SMUG1: variants seen among roughly 807,000 people sequenced by gnomAD.
SMUG1 encodes the protein single-strand-selective monofunctional uracil-DNA glycosylase 1.
SMUG1 carries 13 observed loss-of-function variants against 23.9 expected under a neutral mutation model. The ratio of observed to expected loss-of-function variants is 0.54; its 90% CI spans 0.35 to 0.86. The LOEUF is 0.86. Ranked by LOEUF, SMUG1 falls within the 40% of genes least tolerant of loss-of-function variation. The probability of loss-of-function intolerance (pLI) is 0.01; values close to 1 mark genes in which losing one functional copy is unlikely to be tolerated. For synonymous variants in SMUG1, 133 were observed against 139.8 expected, an observed-to-expected ratio of 0.95 and a Z score of 0.34; for missense variants, 313 against 339.5, an observed-to-expected ratio of 0.92 and a Z score of 0.61.
chr12:54,182,939 CAG>C (rs1190145364), intron 3 of SMUG1: 1 of 313,698 alleles, frequency 3.2e-6, no homozygotes, highest in African/African-American at 2.2e-5. Context: ...TGGGGACAGA[CAG>C]ATGGTCTGAG....
chr12:54,184,197 G>T, intron 2 of SMUG1: 1 of 380,046 alleles, frequency 2.6e-6, no homozygotes, highest in South Asian at 9.7e-5. Context: ...GTGAGGATAA[G>T]CCATAGCCAC....
rs3136379 is a variant in SMUG1, at chr12:54,186,077, C to T, written c.-20+1742G>A. On this transcript the variant is annotated intron_variant, in intron 2 of 3. Transcript: ENST00000682136. ...CTGCCTCAACTCCCAAAACCTTGCA[C>T]ATACCATTTCTACAGTCCAACCAAA... Among the ~76,000 whole-genome samples the T allele has an allele frequency of 2.8e-4, 43 of 152,306 alleles. No homozygotes were observed. In the South Asian group the frequency reaches 7.2e-3, roughly 26 times the overall value.
chr12:54,161,877 G>C (rs541370973), downstream of SMUG1, among the ~76,000 whole-genome samples: 7 of 152,328 alleles, frequency 4.6e-5, no homozygotes, highest in South Asian at 1.5e-3. This position sits in a 1 kb window ranked among gnomAD's most constrained non-coding sequence, Gnocchi z 4.2. Flanking sequence ...GCAGTGGTAG[G>C]GGGAGGGGGA....
In SMUG1 at chr12:54,182,512, G is replaced by A; in HGVS notation, c.397C>T (p.Gln133Ter). 1 of 1,614,128 alleles carries A rather than the reference G, an allele frequency of 6.2e-7. No homozygotes were observed. The highest frequency in any genetic ancestry group is 8.5e-7 in the Non-Finnish European group (1 of 1,180,022). Reference sequence around the variant, plus strand: ...AATCGGGCACCACTCACTTCTGACTGTGGGCACTCCAGTCCCAGCACTGGT... The same window carrying A: ...AATCGGGCACCACTCACTTCTGACTATGGGCACTCCAGTCCCAGCACTGGT... ...KRPVLGLECP[Q>*]SEVSGARFWG... The change falls in exon 4 of 4, where the codon CAG (glutamine) becomes TAG (stop). Residue 133 changes from glutamine (Q) to a stop codon, truncating the protein, a stop_gained. Coordinates refer to ENST00000682136, the MANE Select transcript of SMUG1 (RefSeq NM_001243787.2). LOFTEE classifies it high-confidence loss of function.
chr12:54,181,802 G>A lies in SMUG1; in HGVS notation c.*294C>T. On this transcript the variant is annotated 3_prime_UTR_variant, in exon 4 of 4. Transcript: ENST00000682136. ...AGTCTCCCAAGGAAACACTGAGGTA[G>A]AGCAGTCTGCAAGTGCAAAAGCACA... 2.1e-6 allele frequency: 3 copies of A among 1,430,336 alleles called. No individual in the cohort carries two copies. Among genetic ancestry groups the A allele is most frequent in the Non-Finnish European group, 1.8e-6 (2 of 1,097,518 alleles). 88.6% of individuals were successfully genotyped at this position (1,430,336 alleles called of 1,614,324 possible).
chr12:54,183,569 T>C, intron 3 of SMUG1, 87 bp downstream of exon 3: 3 of 1,382,732 alleles, frequency 2.2e-6, no homozygotes, highest in African/African-American at 1.4e-5. Flanking sequence ...TCTACAGCCA[T>C]GCACATGCTC....
intron 4 of SMUG1, among the ~76,000 whole-genome samples, chr12:54,159,008 T>C (rs1940139642): frequency 6.6e-6 from 1 of 152,168 alleles, no homozygotes; most frequent in South Asian, 2.1e-4. Flanking sequence ...AAGTCACTTA[T>C]GATGCACTTT....
chr12:54,181,109 G>T lies in SMUG1; in HGVS notation c.*987C>A, dbSNP rs1941001500. The T allele has an allele frequency of 7.7e-5, 12 of 156,678 alleles. No homozygotes were observed. In the South Asian group the frequency reaches 2.4e-3, roughly 31 times the overall value. The allele number at this position is 156,678 out of a possible 1,614,324, so 9.7% of individuals were successfully genotyped here. ...AATGACTACCTTCCACCTCTAGCAT[G>T]CAAGAGGGGGAAAAAAGTAACAAGA... is the stretch of plus-strand genomic sequence containing the variant. On this transcript the variant is annotated 3_prime_UTR_variant, in exon 4 of 4. Transcript: ENST00000682136.
intron 2 of SMUG1, chr12:54,184,185 TG>T (rs1267813594): frequency 2.4e-6 from 1 of 412,514 alleles, no homozygotes; most frequent in Non-Finnish European, 4.3e-6. Flanking sequence ...ACATGGCACC[TG>T]GTGAGGATAA....
chr12:54,178,338 A>G (rs938265803), downstream of SMUG1, among the ~76,000 whole-genome samples: 1 of 152,122 alleles, frequency 6.6e-6, no homozygotes, highest in Non-Finnish European at 1.5e-5. Context: ...CAGCCCCACT[A>G]GGACCCAGAC....
downstream of SMUG1, among the ~76,000 whole-genome samples, chr12:54,163,658 C>T (rs1670333600): frequency 6.6e-6 from 1 of 152,138 alleles, no homozygotes; most frequent in South Asian, 2.1e-4. Context: ...TCTTCCAGGG[C>T]TGGAATCGAC....
At chr12:54,179,211 A>G (rs1294521116), downstream of SMUG1, among the ~76,000 whole-genome samples, 3 of 152,112 alleles carry the variant, frequency 2.0e-5, no homozygotes, top group African/African-American at 7.2e-5. Context: ...CAGACAGCCT[A>G]TTGTGGGACT....
chr12:54,171,371 A>G (rs1940610448), intron 3 of SMUG1, among the ~76,000 whole-genome samples: 1 of 150,800 alleles, frequency 6.6e-6, no homozygotes, highest in Admixed American at 6.6e-5. Flanking sequence ...CCAAATTTCT[A>G]TCTCCAGTCT....
chr12:54,174,829 G>T (rs776871972), intron 2 of SMUG1, among the ~76,000 whole-genome samples: 1 of 152,230 alleles, frequency 6.6e-6, no homozygotes, highest in Non-Finnish European at 1.5e-5. Context: ...AAATTCTTTT[G>T]CAGGTGTTTT....
Position 54,181,842 on chromosome 12 carries a change from C to T in SMUG1, c.*254G>A, listed in dbSNP as rs1429689699. The T allele has an allele frequency of 7.0e-7, 1 of 1,419,860 alleles. No homozygotes were observed. Among genetic ancestry groups the T allele is most frequent in the African/African-American group, 1.4e-5 (1 of 69,662 alleles). 88.0% of individuals were successfully genotyped at this position (1,419,860 alleles called of 1,614,324 possible). A position where few individuals can be genotyped will look rare whatever the true frequency, so the allele number is the denominator to read the frequency against. ...GCAAAAGCACACCTTCTGCAGATTC[C>T]CTACAAAGTGGGGTCCCCTGAAAGG... On this transcript the variant is annotated 3_prime_UTR_variant, in exon 4 of 4. Coordinates refer to ENST00000682136, the MANE Select transcript of SMUG1 (RefSeq NM_001243787.2).
At chr12:54,172,717 G>A (rs1940655178) in intron 2 of SMUG1, 1 of 153,992 alleles carries the variant, frequency 6.5e-6, no homozygotes, top group African/African-American at 2.4e-5. Flanking sequence ...CCCTGACCCC[G>A]AATGTGGTGG....
At position 54,172,359 on chromosome 12, in the gene SMUG1, A is replaced by G. The variant is rs553156434; in HGVS notation, c.399-250T>C. 18 of 263,028 alleles carry G rather than the reference A, an allele frequency of 6.8e-5. 1 individual carries two copies. The highest frequency in any genetic ancestry group is 6.5e-4 in the South Asian group (17 of 26,038). The allele number at this position is 263,028 out of a possible 1,614,324, so 16.3% of individuals were successfully genotyped here. A position where few individuals can be genotyped will look rare whatever the true frequency, so the allele number is the denominator to read the frequency against. On this transcript the variant is annotated intron_variant and NMD_transcript_variant, in intron 2 of 4. Coordinates refer to the SMUG1 transcript ENST00000509864. ...GGGCTTTTGCCCTCGCTGTTCTCTT[A>G]GCCGGGAAACTCTTACCCGGAAATC...
chr12:54,188,307 T>TAATA (rs1943031850), intron 1 of SMUG1, among the ~76,000 whole-genome samples: 3 of 134,550 alleles, frequency 2.2e-5, no homozygotes, highest in African/African-American at 9.3e-5. Context: ...ATAATAATAA[T>TAATA]AATAATAATA....
chr12:54,159,831 G>A (rs564900609), downstream of SMUG1, among the ~76,000 whole-genome samples: 96 of 152,324 alleles, frequency 6.3e-4, no homozygotes, highest in African/African-American at 2.2e-3. Context: ...TGTGCACTGC[G>A]CATCGGAGCA....
Sources: gnomAD v4.1 joint callset for allele counts (sites outside exome capture counted in the v4.1 genomes callset) on GRCh38, gnomAD v4.1.1 for gene constraint, Gnocchi (gnomAD v3.1) non-coding constraint, MANE v1.5 for transcripts, NCBI Gene and HGNC (gene_info 2026-07-23, HGNC 2026-07-21) for gene names.